Variants in GFRA1 observed in about 807,000 individuals in gnomAD.
GFRA1 encodes GDNF family receptor alpha 1, also known as GDNF family receptor alpha-1.
A neutral mutation model predicts 51.6 loss-of-function variants in GFRA1; 16 were observed. The ratio of observed to expected loss-of-function variants is 0.31; its 90% CI spans 0.21 to 0.47. The LOEUF is 0.47. Among genes scored for constraint, GFRA1 ranks in the 20% least tolerant of loss-of-function variants. The pLI, the probability that GFRA1 is intolerant of heterozygous loss-of-function variation, is 1.00. For missense variants in GFRA1, 530 were observed against 594.3 expected, an observed-to-expected ratio of 0.89 and a Z score of 1.13; for synonymous variants, 270 against 241.3, an observed-to-expected ratio of 1.12 and a Z score of -1.10.
intron 5 of GFRA1, among the ~76,000 whole-genome samples, chr10:116,132,893 T>TTAA (rs958717480): frequency 1.3e-5 from 2 of 152,170 alleles, no homozygotes; most frequent in African/African-American, 4.8e-5. Flanking sequence ...AGCCCGCCTG[T>TTAA]GTTTTACGGT....
chr10:116,090,728 G>T (rs1956298799), intron 8 of GFRA1, among the ~76,000 whole-genome samples: 1 of 149,800 alleles, frequency 6.7e-6, no homozygotes, highest in Non-Finnish European at 1.5e-5. Flanking sequence ...CTGGATTTAG[G>T]GTTTTTTTTT....
chr10:116,152,358 T>C (rs1959096968), intron 5 of GFRA1, among the ~76,000 whole-genome samples: 1 of 152,144 alleles, frequency 6.6e-6, no homozygotes, highest in African/African-American at 2.4e-5. Context: ...ACATGCACAC[T>C]GTATCCATCT....
chr10:116,220,583 C>T (rs1252596159), intron 4 of GFRA1, among the ~76,000 whole-genome samples: 1 of 152,156 alleles, frequency 6.6e-6, no homozygotes, highest in African/African-American at 2.4e-5. Flanking sequence ...GGACAGCTCC[C>T]AGGAGTCAGA....
chr10:116,180,388 A>G (rs1293001057), intron 5 of GFRA1, among the ~76,000 whole-genome samples: 1 of 152,208 alleles, frequency 6.6e-6, no homozygotes, highest in African/African-American at 2.4e-5. Flanking sequence ...CCTGACACAT[A>G]TTCCAAGAAA....
rs146291570 is a variant in GFRA1 at position 116,213,660 on chromosome 10, A to G, written c.419-2015T>C. On this transcript the variant is annotated intron_variant, in intron 4 of 10. Coordinates refer to ENST00000355422, the MANE Select transcript of GFRA1 (RefSeq NM_005264.8). ...GTCATCACCAGAAACATCAGCTCCTACAAAACCACAAAGAACCAAGGGTCC... is the reference window on the plus strand; with the variant it reads ...GTCATCACCAGAAACATCAGCTCCTGCAAAACCACAAAGAACCAAGGGTCC... Among the ~76,000 whole-genome samples, 27 of 152,334 alleles carry G rather than the reference A, an allele frequency of 1.8e-4. No individual in the cohort carries two copies. In the East Asian group the frequency reaches 5.2e-3, roughly 29 times the overall value.
chr10:116,129,324 T>C (rs1009702210), intron 5 of GFRA1, among the ~76,000 whole-genome samples: 1 of 152,212 alleles, frequency 6.6e-6, no homozygotes, highest in South Asian at 2.1e-4. Context: ...AAAAGGCTAA[T>C]GCATCGTGAC....
Position 116,065,600 on chromosome 10 carries a change from C to G in GFRA1, c.1224G>C (p.Ser408=). ...TGGAAATACAGAGGTGTGTATTGCC[C>G]GACACATTGGATTTCAGCTTCTGTG... ...LQAQKLKSNV[S]GNTHLCISNG... is the part of the protein sequence containing the mutation. Residue 408 remains serine (S), a synonymous_variant, in exon 10 of 11, where the codon TCG becomes TCC. Coordinates refer to ENST00000355422, the MANE Select transcript of GFRA1 (RefSeq NM_005264.8). 1 of 1,613,338 alleles carries G rather than the reference C, an allele frequency of 6.2e-7. No homozygotes were observed. Among genetic ancestry groups the G allele is most frequent in the South Asian group, 1.1e-5 (1 of 91,042 alleles).
chr10:116,227,228 C>G (rs1197185237), intron 4 of GFRA1, among the ~76,000 whole-genome samples: 4 of 152,170 alleles, frequency 2.6e-5, no homozygotes, highest in Non-Finnish European at 4.4e-5. Flanking sequence ...TTAGATGTGG[C>G]AGGCTCTAGG....
chr10:116,205,851 G>A (rs935484163), intron 5 of GFRA1, among the ~76,000 whole-genome samples: 2 of 149,702 alleles, frequency 1.3e-5, no homozygotes, highest in Admixed American at 6.7e-5. Flanking sequence ...AGGCAGCCTC[G>A]CACAGCCCCC....
chr10:116,074,180 G>C (rs886762257), intron 9 of GFRA1, among the ~76,000 whole-genome samples: 4 of 152,172 alleles, frequency 2.6e-5, no homozygotes, highest in African/African-American at 9.6e-5. Context: ...TCAGAAACAG[G>C]GGTTCCGAGA....
At chr10:116,230,922 G>T (rs186114747) in intron 4 of GFRA1, among the ~76,000 whole-genome samples, 9 of 152,274 alleles carry the variant, frequency 5.9e-5, no homozygotes, top group Non-Finnish European at 1.0e-4. Flanking sequence ...TCTCTGGATG[G>T]GTGGAGCATC....
intron 5 of GFRA1, among the ~76,000 whole-genome samples, chr10:116,147,944 T>C (rs557098660): frequency 6.6e-6 from 1 of 151,548 alleles, no homozygotes; most frequent in East Asian, 2.0e-4. Context: ...CTGCCTAAAA[T>C]GAAGTACAGT....
chr10:116,136,058 T>G (rs1958312713), intron 5 of GFRA1, among the ~76,000 whole-genome samples: 1 of 152,252 alleles, frequency 6.6e-6, no homozygotes, highest in African/African-American at 2.4e-5. Context: ...TTGTTTAATT[T>G]TCTAAAAGTG....
chr10:116,129,707 C>T (rs898029716), intron 5 of GFRA1, among the ~76,000 whole-genome samples: 5 of 152,114 alleles, frequency 3.3e-5, no homozygotes, highest in Admixed American at 3.3e-4. Context: ...TTAGCAAAGT[C>T]ACAGGGTACA....
chr10:116,223,950 C>T (rs944444101), intron 4 of GFRA1, among the ~76,000 whole-genome samples: 2 of 152,134 alleles, frequency 1.3e-5, no homozygotes, highest in African/African-American at 4.8e-5. Flanking sequence ...ATATATATTT[C>T]TTCAAGCATC....
At chr10:116,111,098 G>A (rs1370126457) in intron 6 of GFRA1, among the ~76,000 whole-genome samples, 1 of 152,240 alleles carries the variant, frequency 6.6e-6, no homozygotes. Context: ...GACAAGAAGA[G>A]TGGAGCAAAC....
intron 9 of GFRA1, among the ~76,000 whole-genome samples, chr10:116,069,576 G>A (rs142805060): frequency 5.6e-4 from 86 of 152,266 alleles, no homozygotes; most frequent in Non-Finnish European, 9.4e-4. Context: ...CAGGCACGTC[G>A]CATAAATGAA....
intron 6 of GFRA1, among the ~76,000 whole-genome samples, chr10:116,109,246 T>C (rs1449953312): frequency 3.9e-5 from 6 of 152,158 alleles, no homozygotes; most frequent in African/African-American, 9.7e-5. Flanking sequence ...CTTGAGCTCA[T>C]ACGCACCCGC....
intron 5 of GFRA1, among the ~76,000 whole-genome samples, chr10:116,156,646 T>C (rs1959207678): frequency 6.6e-6 from 1 of 152,164 alleles, no homozygotes; most frequent in African/African-American, 2.4e-5. Context: ...TCCAATTAAA[T>C]GGTGAAGATC....
Sources: gnomAD v4.1 joint callset for allele counts (sites outside exome capture counted in the v4.1 genomes callset) on GRCh38, gnomAD v4.1.1 for gene constraint, MANE v1.5 for transcripts, NCBI Gene and HGNC (gene_info 2026-07-23, HGNC 2026-07-21) for gene names.